Variants in SH3RF3 observed in about 807,000 individuals in gnomAD.
SH3RF3 encodes the protein SH3 domain containing ring finger 3, also known as E3 ubiquitin-protein ligase SH3RF3.
Under a neutral mutation model 66.3 loss-of-function variants are expected in SH3RF3, and 29 were observed. That is an observed-to-expected ratio of 0.44 (90% CI 0.33 to 0.60). The LOEUF (loss-of-function observed/expected upper bound fraction) is 0.60. Ranked by LOEUF, SH3RF3 falls within the 20% of genes least tolerant of loss-of-function variation. The probability of loss-of-function intolerance (pLI) is 0.04; values close to 1 mark genes in which losing one functional copy is unlikely to be tolerated. For missense variants in SH3RF3, 1,194 were observed against 1,190.9 expected (o/e 1.00, Z -0.04); for synonymous variants, 583 against 532.0 (o/e 1.10, Z -1.32).
At chr2:109,385,951 C>A (rs1277602537) in intron 3 of SH3RF3, among the ~76,000 whole-genome samples, 1 of 152,182 alleles carries the variant, frequency 6.6e-6, no homozygotes, top group Non-Finnish European at 1.5e-5. Flanking sequence ...CATCTGTTCA[C>A]CTGTTTTTAA....
chr2:109,131,724 A>AC, intron 1 of SH3RF3, among the ~76,000 whole-genome samples: 1 of 152,320 alleles, frequency 6.6e-6, no homozygotes, highest in East Asian at 1.9e-4. Context: ...GGAACTTTTT[A>AC]GTAGTGACAT....
chr2:109,146,160 A>G (rs1259373523), intron 1 of SH3RF3, among the ~76,000 whole-genome samples: 1 of 152,198 alleles, frequency 6.6e-6, no homozygotes, highest in Non-Finnish European at 1.5e-5. Flanking sequence ...TTTTCATTAG[A>G]ATACGTATTA....
At chr2:109,139,307 C>T (rs1676883832) in intron 1 of SH3RF3, among the ~76,000 whole-genome samples, 1 of 152,020 alleles carries the variant, frequency 6.6e-6, no homozygotes, top group Admixed American at 6.5e-5. Context: ...GCCAATGAGA[C>T]TGACCTTTTT....
chr2:109,373,571 GT>G (rs1020683309), intron 3 of SH3RF3, among the ~76,000 whole-genome samples: 3 of 151,466 alleles, frequency 2.0e-5, no homozygotes, highest in African/African-American at 7.3e-5. Context: ...TGCCGTATGG[GT>G]TTTTTTAGGA....
At chr2:109,196,499 C>G (rs1678502282) in intron 1 of SH3RF3, among the ~76,000 whole-genome samples, 1 of 152,358 alleles carries the variant, frequency 6.6e-6, no homozygotes, top group African/African-American at 2.4e-5. Context: ...CAGTCTGTTT[C>G]TAGAGTGTCT....
intron 8 of SH3RF3, among the ~76,000 whole-genome samples, chr2:109,478,809 A>G (rs1678759046): frequency 6.6e-6 from 1 of 152,156 alleles, no homozygotes; most frequent in Non-Finnish European, 1.5e-5. Context: ...GGTGAGAATG[A>G]AACCCGCTCC....
intron 8 of SH3RF3, among the ~76,000 whole-genome samples, chr2:109,464,476 CT>C (rs1207210602): frequency 6.6e-6 from 1 of 152,202 alleles, no homozygotes; most frequent in Non-Finnish European, 1.5e-5. Context: ...ATGTAAACAT[CT>C]GTACACATAT....
intron 9 of SH3RF3, among the ~76,000 whole-genome samples, chr2:109,491,584 G>C (rs138838952): frequency 0.043 from 6,498 of 152,236 alleles, 191 homozygotes; most frequent in Non-Finnish European, 0.066. Flanking sequence ...GCTGTGGGCT[G>C]TGGGGCTGCA....
intron 1 of SH3RF3, among the ~76,000 whole-genome samples, chr2:109,314,536 G>A (rs1039793769): frequency 2.4e-4 from 36 of 152,166 alleles, no homozygotes; most frequent in African/African-American, 7.5e-4. Flanking sequence ...CATATGAATA[G>A]CACCATCAAC....
At chr2:109,287,320 G>A (rs1351766244) in intron 1 of SH3RF3, among the ~76,000 whole-genome samples, 2 of 152,104 alleles carry the variant, frequency 1.3e-5, no homozygotes, top group Admixed American at 6.5e-5. Flanking sequence ...GTGGAGAGGC[G>A]ATACCAGTGT....
intron 3 of SH3RF3, among the ~76,000 whole-genome samples, chr2:109,377,810 C>A (rs1054196249): frequency 6.6e-6 from 1 of 152,136 alleles, no homozygotes; most frequent in Non-Finnish European, 1.5e-5. Flanking sequence ...CCTGTAGCAC[C>A]GGTGCCTCCT....
At chr2:109,488,369 C>G (rs1190226437) in intron 8 of SH3RF3, among the ~76,000 whole-genome samples, 1 of 152,204 alleles carries the variant, frequency 6.6e-6, no homozygotes, top group East Asian at 1.9e-4. Flanking sequence ...GGCAAGGTCA[C>G]CCTCTCATCA....
intron 1 of SH3RF3, among the ~76,000 whole-genome samples, chr2:109,342,167 C>T (rs765215773): frequency 5.3e-5 from 8 of 152,228 alleles, no homozygotes; most frequent in Non-Finnish European, 8.8e-5. Context: ...GAGCCCCTGG[C>T]TGGAATGCCC....
intron 2 of SH3RF3, among the ~76,000 whole-genome samples, chr2:109,355,549 C>T (rs190562854): frequency 2.6e-5 from 4 of 152,354 alleles, no homozygotes; most frequent in Non-Finnish European, 4.4e-5. Flanking sequence ...CTGGCTCTTT[C>T]TAGAAAACGT....
chr2:109,397,900 C>T (rs1411393359), intron 3 of SH3RF3, among the ~76,000 whole-genome samples: 5 of 152,234 alleles, frequency 3.3e-5, no homozygotes, highest in Admixed American at 6.5e-5. Flanking sequence ...CGCACAACGC[C>T]TGCTATCTTG....
chr2:109,208,167 C>G (rs1678886005), intron 1 of SH3RF3, among the ~76,000 whole-genome samples: 1 of 152,254 alleles, frequency 6.6e-6, no homozygotes, highest in Non-Finnish European at 1.5e-5. Flanking sequence ...AGACAGCATG[C>G]AACTGCCCTG....
At chr2:109,214,371 G>T (rs535048961) in intron 1 of SH3RF3, among the ~76,000 whole-genome samples, 1 of 152,050 alleles carries the variant, frequency 6.6e-6, no homozygotes, top group South Asian at 2.1e-4. Context: ...AGGAGGCCGG[G>T]GCCACGTGTG....
rs200172316 is a variant in SH3RF3, at chr2:109,398,893, G to T, written c.1249G>T (p.Ala417Ser). ...VLISSSDPRAAARIGDLAHLS... is the reference protein window; with the variant it reads ...VLISSSDPRASARIGDLAHLS... ...GATCAGCTCCAGCGATCCCCGAGCCGCGGCCAGGATTGGAGACCTTGCTCA... is the reference window on the plus strand; with the variant it reads ...GATCAGCTCCAGCGATCCCCGAGCCTCGGCCAGGATTGGAGACCTTGCTCA... Residue 417 changes from alanine (A) to serine (S), a missense_variant, in exon 4 of 10, where the codon GCG becomes TCG. Coordinates refer to ENST00000309415, the MANE Select transcript of SH3RF3 (RefSeq NM_001099289.3). 2.5e-6 allele frequency: 4 copies of T among 1,613,608 alleles called. No homozygotes were observed. The South Asian group carries it at 4.4e-5, about 18-fold the overall frequency.
At chr2:109,260,145 G>A (rs1011096479) in intron 1 of SH3RF3, among the ~76,000 whole-genome samples, 5 of 152,278 alleles carry the variant, frequency 3.3e-5, no homozygotes, top group Middle Eastern at 6.8e-3. Flanking sequence ...TGTATTTAGG[G>A]AATAAATGCA....
Sources: gnomAD v4.1 joint callset for allele counts (sites outside exome capture counted in the v4.1 genomes callset) on GRCh38, gnomAD v4.1.1 for gene constraint, MANE v1.5 for transcripts, NCBI Gene and HGNC (gene_info 2026-07-23, HGNC 2026-07-21) for gene names.